The following DCLK3 variants were observed in gnomAD, a reference collection of about 807,000 sequenced individuals.
DCLK3 encodes serine/threonine-protein kinase DCLK3.
DCLK3 carries 30 observed loss-of-function variants against 46.4 expected under a neutral mutation model. The observed-to-expected ratio is 0.65, with a 90% confidence interval of 0.48 to 0.88. The LOEUF is 0.88. Ranked by LOEUF, DCLK3 falls within the 40% of genes least tolerant of loss-of-function variation. The probability of loss-of-function intolerance (pLI) is 0.00; values close to 1 mark genes in which losing one functional copy is unlikely to be tolerated. For synonymous variants in DCLK3, 401 were observed against 339.2 expected (o/e 1.18, Z -2.00); for missense variants, 846 against 907.1 (o/e 0.93, Z 0.87).
At chr3:36,747,843 A>C (rs933251552) in intron 1 of DCLK3, among the ~76,000 whole-genome samples, 3 of 152,208 alleles carry the variant, frequency 2.0e-5, no homozygotes, top group African/African-American at 7.2e-5. Flanking sequence ...CATCTTAGAA[A>C]TGCAGAATTT....
intron 1 of DCLK3, among the ~76,000 whole-genome samples, chr3:36,753,314 T>C (rs1410648103): frequency 6.6e-6 from 1 of 152,204 alleles, no homozygotes; most frequent in African/African-American, 2.4e-5. Flanking sequence ...ACATGTATGT[T>C]TTTTCTTTGA....
chr3:36,722,411 A>G (rs1299934292), intron 2 of DCLK3, among the ~76,000 whole-genome samples: 1 of 152,222 alleles, frequency 6.6e-6, no homozygotes, highest in Non-Finnish European at 1.5e-5. Flanking sequence ...TAAATGCTTG[A>G]GGGGATGAAT....
At position 36,738,153 on chromosome 3, in the gene DCLK3, G is replaced by A; in HGVS notation, c.1014C>T (p.Gly338=). The change falls in exon 2 of 5, where the codon GGC becomes GGT. Residue 338 remains glycine (G), a synonymous_variant. Transcript: ENST00000636136. ...LGTSELDMGK[G]PMYDVEKLVR... ...CCAGCTTCTCCACATCATACATTGGGCCCTTCCCCATATCCAGCTCACTGG... is the reference window on the plus strand; with the variant it reads ...CCAGCTTCTCCACATCATACATTGGACCCTTCCCCATATCCAGCTCACTGG... 1 of 1,614,000 alleles carries A rather than the reference G, an allele frequency of 6.2e-7. No individual in the cohort carries two copies. The highest frequency in any genetic ancestry group is 8.5e-7 in the Non-Finnish European group (1 of 1,180,002).
chr3:36,741,405 C>T (rs1279862674), intron 1 of DCLK3, among the ~76,000 whole-genome samples: 1 of 152,152 alleles, frequency 6.6e-6, no homozygotes, highest in African/African-American at 2.4e-5. Context: ...AGCCTATATC[C>T]TGGACTGAGG....
chr3:36,744,911 G>C (rs1701380456), intron 1 of DCLK3, among the ~76,000 whole-genome samples: 1 of 152,196 alleles, frequency 6.6e-6, no homozygotes. Context: ...ATTCTGGGGT[G>C]AGCCAATAAA....
chr3:36,737,763 C>T lies in DCLK3; in HGVS notation c.1404G>A (p.Lys468=), dbSNP rs766869147. ...CTCCAGACATACATGGCTTTTTCTC[C>T]TTCTCTGCCTCCTTCTCTTCTCCTC... is the stretch of plus-strand genomic sequence containing the variant. ...RTRGEEKEAE[K]EKKPCMSGGR... is the part of the protein sequence containing the mutation. The change falls in exon 2 of 5, where the codon AAG becomes AAA. Residue 468 remains lysine (K), a synonymous_variant. Transcript: ENST00000636136. This position sits in a 1 kb window ranked among gnomAD's most constrained non-coding sequence, Gnocchi z 4.4. 4 of 1,614,182 alleles carry T rather than the reference C, an allele frequency of 2.5e-6. 1 individual carries two copies. Among genetic ancestry groups the T allele is most frequent in the East Asian group, 4.5e-5 (2 of 44,878 alleles).
chr3:36,734,558 T>C (rs1318966842), intron 2 of DCLK3, among the ~76,000 whole-genome samples: 2 of 152,166 alleles, frequency 1.3e-5, no homozygotes, highest in Non-Finnish European at 2.9e-5. Flanking sequence ...TATGTATGTA[T>C]ACACATATAC....
rs550473166 is a variant in DCLK3 at position 36,750,847 on chromosome 3, T to C, written c.83-11763A>G. 3.3e-5 allele frequency among the ~76,000 whole-genome samples: 5 copies of C among 152,208 alleles called. No individual in the cohort carries two copies. In the East Asian group the frequency reaches 5.8e-4, roughly 18 times the overall value. ...AGATTTAGAGGTGTCATTTATAACATGGAATGTTAAACTCATGGAGTCATC... is the reference window on the plus strand; with the variant it reads ...AGATTTAGAGGTGTCATTTATAACACGGAATGTTAAACTCATGGAGTCATC... On this transcript the variant is annotated intron_variant, in intron 1 of 4. Coordinates refer to ENST00000636136, the MANE Select transcript of DCLK3 (RefSeq NM_001394672.2).
intron 2 of DCLK3, among the ~76,000 whole-genome samples, chr3:36,734,147 T>C (rs1701231216): frequency 6.6e-6 from 1 of 152,302 alleles, no homozygotes; most frequent in African/African-American, 2.4e-5. Flanking sequence ...ATATTTTAAA[T>C]CTTAGAAGGC....
In DCLK3 at chr3:36,738,195, C is replaced by A; in HGVS notation, c.972G>T (p.Glu324Asp). Residue 324 changes from glutamate to aspartate, a missense_variant, in exon 2 of 5, where the codon GAG (glutamate) becomes GAT (aspartate). Physicochemically the swap from Glu to Asp is conservative, Grantham distance 45. Around this residue, in one of 3 missense-constraint regions of DCLK3, gnomAD observed 553 missense variants for 543.0 expected, o/e 1.02. Coordinates refer to ENST00000636136, the MANE Select transcript of DCLK3 (RefSeq NM_001394672.2). ...GCTCACTGGTCCCCAGAGAAAGCCT[C>A]TCACGCTCCAGGCTCTGCTGGAGCT... ...ERELQQSLER[E>D]RLSLGTSELD... 3.1e-6 allele frequency: 5 copies of A among 1,613,524 alleles called. No individual in the cohort carries two copies. Among genetic ancestry groups the A allele is most frequent in the Non-Finnish European group, 4.2e-6 (5 of 1,179,854 alleles).
intron 2 of DCLK3, among the ~76,000 whole-genome samples, chr3:36,724,196 A>T (rs755873934): frequency 2.6e-5 from 4 of 152,138 alleles, no homozygotes; most frequent in Non-Finnish European, 5.9e-5. Flanking sequence ...TGTTTTGGCC[A>T]ATTCCTCCCA....
intron 2 of DCLK3, among the ~76,000 whole-genome samples, chr3:36,722,771 T>C (rs1701078078): frequency 6.6e-6 from 1 of 152,202 alleles, no homozygotes; most frequent in South Asian, 2.1e-4. Flanking sequence ...TCCACCATAA[T>C]TGTGGGAAGG....
intron 1 of DCLK3, among the ~76,000 whole-genome samples, chr3:36,745,581 A>G (rs1435277979): frequency 6.6e-6 from 1 of 152,154 alleles, no homozygotes; most frequent in Non-Finnish European, 1.5e-5. Flanking sequence ...CCCTGAAAAT[A>G]TTTTCCTTTT....
At chr3:36,727,181 C>G (rs1020026133) in intron 2 of DCLK3, among the ~76,000 whole-genome samples, 3 of 152,070 alleles carry the variant, frequency 2.0e-5, no homozygotes, top group Admixed American at 6.5e-5. Context: ...CCCAGCTACT[C>G]AGGAGGCTGA....
intron 2 of DCLK3, among the ~76,000 whole-genome samples, chr3:36,736,102 C>T (rs1215282214): frequency 6.6e-6 from 1 of 152,220 alleles, no homozygotes; most frequent in African/African-American, 2.4e-5. Flanking sequence ...TTTACCGACT[C>T]ATTGTCATAA....
intron 1 of DCLK3, among the ~76,000 whole-genome samples, chr3:36,744,057 T>C (rs1455336067): frequency 1.3e-5 from 2 of 152,266 alleles, no homozygotes; most frequent in African/African-American, 4.8e-5. Flanking sequence ...ACATCTCAGC[T>C]AATTGTTACT....
chr3:36,762,736 A>G (rs561298129), intron 1 of DCLK3, among the ~76,000 whole-genome samples: 175 of 152,340 alleles, frequency 1.1e-3, no homozygotes, highest in Middle Eastern at 0.01. Flanking sequence ...GAAGGCACCC[A>G]GGGTACCAAT....
chr3:36,751,063 T>TAAAGAAAAAAAAAAAAA (rs1701436538), intron 1 of DCLK3, among the ~76,000 whole-genome samples: 1 of 76,476 alleles, frequency 1.3e-5, no homozygotes, highest in Non-Finnish European at 2.3e-5. Context: ...CGGGATGATC[T>TAAAGAAAAAAAAAAAAA]AAAAAAAAAA....
At chr3:36,735,465 G>A (rs116167939) in intron 2 of DCLK3, among the ~76,000 whole-genome samples, 1,786 of 152,282 alleles carry the variant, frequency 0.012, 37 homozygotes, top group African/African-American at 0.04. Context: ...TCGACTTAGT[G>A]GTCAATGTAG....
Sources: allele counts gnomAD v4.1 joint callset (sites outside exome capture counted in the v4.1 genomes callset), GRCh38; gene constraint gnomAD v4.1.1; regional missense constraint gnomAD v4.1.1; non-coding constraint Gnocchi (gnomAD v3.1); transcripts MANE v1.5; gene names NCBI Gene and HGNC (gene_info 2026-07-23, HGNC 2026-07-21).